TBC1D8B: variants seen among roughly 807,000 people sequenced by gnomAD.
TBC1D8B encodes RP11-321G1.1.
TBC1D8B carries 75 observed loss-of-function variants against 82.9 expected under a neutral mutation model. That is an observed-to-expected ratio of 0.90 (90% CI 0.75 to 1.10). TBC1D8B has a LOEUF of 1.10. Ranked by LOEUF, TBC1D8B falls within the 50% of genes least tolerant of loss-of-function variation. The probability of loss-of-function intolerance (pLI) is 0.00; values close to 1 mark genes in which losing one functional copy is unlikely to be tolerated. For synonymous variants in TBC1D8B, 276 were observed against 276.8 expected, an observed-to-expected ratio of 1.00 and a Z score of 0.03; for missense variants, 794 against 796.9, an observed-to-expected ratio of 1.00 and a Z score of 0.04.
rs759714977 is a variant in TBC1D8B, at chrX:106,839,266, C to T, written c.1204-42C>T. ...TTAGAACTTTTTTTTCTTGTAGAAA[C>T]GTAAGCATGCATCTGGGACAACTAC... On this transcript the variant is annotated intron_variant, in intron 7 of 20. Transcript: ENST00000357242. The T allele has an allele frequency of 1.7e-5, 19 of 1,087,035 alleles. No individual in the cohort carries two copies. In the South Asian group the frequency reaches 2.0e-4, roughly 11 times the overall value. The allele number at this position is 1,087,035 out of a possible 1,213,427, so 89.6% of individuals were successfully genotyped here.
chrX:106,862,412 A>G (rs753085103), intron 14 of TBC1D8B, among the ~76,000 whole-genome samples: 1 of 111,782 alleles, frequency 8.9e-6, no homozygotes, highest in African/African-American at 3.3e-5. Context: ...TAGTATTATG[A>G]AATTCTTGTA....
intron 20 of TBC1D8B, among the ~76,000 whole-genome samples, chrX:106,871,539 T>C (rs1293507005): frequency 8.9e-6 from 1 of 111,973 alleles, no homozygotes; most frequent in Non-Finnish European, 1.9e-5. Flanking sequence ...GAAGAAAATG[T>C]CTGTGGCCAA....
At chrX:106,859,638 C>T (rs1165516551) in intron 14 of TBC1D8B, among the ~76,000 whole-genome samples, 1 of 111,566 alleles carries the variant, frequency 9.0e-6, no homozygotes, top group African/African-American at 3.3e-5. Context: ...ATATCATCTG[C>T]AAATAGAAAT....
chrX:106,818,883 A>G, intron 2 of TBC1D8B, 110 bp downstream of exon 2: 1 of 540,909 alleles, frequency 1.8e-6, no homozygotes. Context: ...AACAAATTAA[A>G]TGTGCAACTT....
intron 12 of TBC1D8B, among the ~76,000 whole-genome samples, chrX:106,851,877 G>T (rs1269621530): frequency 9.0e-6 from 1 of 111,683 alleles, no homozygotes; most frequent in African/African-American, 3.3e-5. Context: ...ATAAACATAT[G>T]TGTGCATGTG....
Position 106,826,060 on chromosome X carries a change from A to G in TBC1D8B, c.858A>G (p.Gln286=). 1 of 1,210,803 alleles carries G rather than the reference A, an allele frequency of 8.3e-7. No individual in the cohort carries two copies. The highest frequency in any genetic ancestry group is 1.1e-6 in the Non-Finnish European group (1 of 894,959). Residue 286 remains glutamine, a synonymous_variant, in exon 6 of 21, where the codon CAA becomes CAG. Coordinates refer to ENST00000357242, the MANE Select transcript of TBC1D8B (RefSeq NM_017752.3). ...RGLENRAHSE[Q]FNAFFRLPKG... ...TGGAAAATAGAGCCCACAGTGAGCA[A>G]TTTAATGCCTTTTTTAGGCTGCCCA...
intron 7 of TBC1D8B, among the ~76,000 whole-genome samples, chrX:106,836,074 A>G (rs888719710): frequency 9.0e-6 from 1 of 111,588 alleles, no homozygotes; most frequent in Non-Finnish European, 1.9e-5. Context: ...GTCCTTTCTT[A>G]CACTGGTATG....
chrX:106,833,577 G>A (rs1029583558), intron 7 of TBC1D8B, among the ~76,000 whole-genome samples: 1 of 111,726 alleles, frequency 9.0e-6, no homozygotes, highest in African/African-American at 3.3e-5. Context: ...GAAGGTAAAT[G>A]TTTTTTATTT....
At chrX:106,836,143 A>G (rs1239373311) in intron 7 of TBC1D8B, among the ~76,000 whole-genome samples, 1 of 111,923 alleles carries the variant, frequency 8.9e-6, no homozygotes, top group Non-Finnish European at 1.9e-5. Context: ...ACAATTCCAC[A>G]TGGCTGGGAA....
intron 1 of TBC1D8B, among the ~76,000 whole-genome samples, chrX:106,810,839 T>C (rs1931347364): frequency 9.0e-6 from 1 of 111,318 alleles, no homozygotes; most frequent in Admixed American, 9.5e-5. Flanking sequence ...TTTAAACATC[T>C]CTGAATGAGA....
In TBC1D8B at chrX:106,865,565, G is replaced by T; in HGVS notation, c.2359G>T (p.Val787Phe). Residue 787 changes from valine (V) to phenylalanine (F), a missense_variant, in exon 15 of 21, where the codon GTT (valine) becomes TTT (phenylalanine). Coordinates refer to ENST00000357242, the MANE Select transcript of TBC1D8B (RefSeq NM_017752.3). ...GCTTTTAATCTTTTTAAAGTTGCGT[G>T]TTGTATCACAAGATGTGAAATTGAG... ...EETTKQNVLR[V>F]VSQDVKLSLQ... is the part of the protein sequence containing the mutation. The T allele has an allele frequency of 8.3e-7, 1 of 1,197,897 alleles. No homozygotes were observed. The highest frequency in any genetic ancestry group is 1.9e-5 in the South Asian group (1 of 53,608).
chrX:106,811,443 C>T (rs1172607314), intron 1 of TBC1D8B, among the ~76,000 whole-genome samples: 5 of 111,272 alleles, frequency 4.5e-5, no homozygotes, highest in Non-Finnish European at 9.4e-5. Flanking sequence ...GGTGGGAGAT[C>T]GTTTGAGCCA....
intron 7 of TBC1D8B, among the ~76,000 whole-genome samples, chrX:106,830,813 G>A (rs1386804221): frequency 1.8e-4 from 13 of 73,282 alleles, no homozygotes; most frequent in Admixed American, 1.4e-3. Flanking sequence ...GGGGAGGGGG[G>A]AGGGATAGCA....
Position 106,826,137 on chromosome X carries a change from G to A in TBC1D8B, c.935G>A (p.Ser312Asn). ...VHECFLWVPF[S>N]HFNTHGKMCI... ...GAATGTTTCTTATGGGTACCATTCA[G>A]CCACTTCAATACTCATGGGAAAATG... Residue 312 changes from serine (S) to asparagine (N), a missense_variant, in exon 6 of 21, where the codon AGC becomes AAC. Transcript: ENST00000357242. 8.3e-7 allele frequency: 1 copy of A among 1,210,027 alleles called. No homozygotes were observed. The highest frequency in any genetic ancestry group is 1.1e-6 in the Non-Finnish European group (1 of 894,364).
rs771448515 is a variant in TBC1D8B at position 106,822,001 on chromosome X, C to T, written c.385C>T (p.His129Tyr). The change falls in exon 4 of 21, where the codon CAT (histidine) becomes TAT (tyrosine). Residue 129 changes from histidine to tyrosine, a missense_variant. Transcript: ENST00000357242. ...IRGLIAEEGK[H>Y]CFAKEDDPEK... ...GGGATTAATTGCTGAAGAGGGAAAA[C>T]ATTGTTTTGCAAAAGAAGATGATCC... 2 of 1,209,746 alleles carry T rather than the reference C, an allele frequency of 1.7e-6. No homozygotes were observed. The highest frequency in any genetic ancestry group is 2.2e-5 in the Admixed American group (1 of 45,829).
At chrX:106,826,852 A>T (rs1931861463) in intron 6 of TBC1D8B, among the ~76,000 whole-genome samples, 2 of 111,189 alleles carry the variant, frequency 1.8e-5, no homozygotes, top group African/African-American at 6.5e-5. Context: ...ATCACTTTTG[A>T]TGTACTCTGT....
chrX:106,873,929 A>G lies in TBC1D8B; in HGVS notation c.3327A>G (p.Ala1109=). 8.3e-7 allele frequency: 1 copy of G among 1,203,007 alleles called. No individual in the cohort carries two copies. Among genetic ancestry groups the G allele is most frequent in the Non-Finnish European group, 1.1e-6 (1 of 892,113 alleles). The change falls in exon 21 of 21, where the codon GCA becomes GCG. Residue 1109 remains alanine (A), a synonymous_variant. Coordinates refer to ENST00000357242, the MANE Select transcript of TBC1D8B (RefSeq NM_017752.3). The part of the protein sequence containing the change: ...PIDVKAKLEN[A]RISQLRSRTK... Reference sequence around the variant, plus strand: ...ATGTAAAAGCCAAGCTGGAAAATGCAAGAATTTCTCAGTTAAGGTCTAGAA... The same window carrying G: ...ATGTAAAAGCCAAGCTGGAAAATGCGAGAATTTCTCAGTTAAGGTCTAGAA...
chrX:106,839,991 T>C, intron 8 of TBC1D8B, 57 bp from the exon 9 acceptor site: 1 of 1,101,794 alleles, frequency 9.1e-7, no homozygotes. Flanking sequence ...GGAAAGTTAT[T>C]TTGCAGAAGT....
chrX:106,840,987 G>A, intron 10 of TBC1D8B, 103 bp downstream of exon 10: 1 of 666,497 alleles, frequency 1.5e-6, no homozygotes, highest in Non-Finnish European at 2.3e-6. Flanking sequence ...AAAGAGATGG[G>A]GGTGAGATAG....
Sources: allele counts gnomAD v4.1 joint callset (sites outside exome capture counted in the v4.1 genomes callset), GRCh38; gene constraint gnomAD v4.1.1; transcripts MANE v1.5; gene names NCBI Gene and HGNC (gene_info 2026-07-23, HGNC 2026-07-21).